Variants in RELN observed in about 807,000 individuals in gnomAD.
The protein encoded by RELN is reelin.
In RELN, 108 loss-of-function variants were observed where a neutral mutation model predicts 427.6. The ratio of observed to expected loss-of-function variants is 0.25; its 90% CI spans 0.22 to 0.30. The LOEUF (loss-of-function observed/expected upper bound fraction) is 0.30, where lower values mean the gene tolerates loss of function less well. Among genes scored for constraint, RELN ranks in the 10% least tolerant of loss-of-function variants. The probability of loss-of-function intolerance (pLI) is 1.00; values close to 1 mark genes in which losing one functional copy is unlikely to be tolerated. For missense variants in RELN, 3,715 were observed against 4,302.8 expected (o/e 0.86, Z 3.82); for synonymous variants, 1,524 against 1,513.4 (o/e 1.01, Z -0.16).
At chr7:103,473,097 A>G (rs1827913324) in intron 64 of RELN, 189 bp from the exon 65 acceptor site, 1 of 701,734 alleles carries the variant, frequency 1.4e-6, no homozygotes, top group South Asian at 1.5e-5. Flanking sequence ...ACCTATACTC[A>G]CTGCCTTTGG....
chr7:103,957,447 A>G (rs1423244448), intron 1 of RELN, among the ~76,000 whole-genome samples: 6 of 152,196 alleles, frequency 3.9e-5, no homozygotes, highest in Non-Finnish European at 8.8e-5. Context: ...ACACTTCATA[A>G]AACACTGCCA....
intron 10 of RELN, among the ~76,000 whole-genome samples, chr7:103,695,684 C>G (rs1024144028): frequency 2.0e-5 from 3 of 152,050 alleles, no homozygotes; most frequent in African/African-American, 7.2e-5. Context: ...GATAAATGAC[C>G]ATCATCACAA....
intron 1 of RELN, among the ~76,000 whole-genome samples, chr7:103,933,076 A>G (rs976902164): frequency 2.6e-5 from 4 of 152,152 alleles, no homozygotes; most frequent in East Asian, 1.9e-4. Flanking sequence ...CAGTCCCACC[A>G]TGGTGCATTC....
At chr7:103,717,441 C>A (rs1584431902) in intron 8 of RELN, among the ~76,000 whole-genome samples, 1 of 150,606 alleles carries the variant, frequency 6.6e-6, no homozygotes, top group East Asian at 1.9e-4. Flanking sequence ...CCTTTACTTA[C>A]CAAATTTTAG....
intron 1 of RELN, among the ~76,000 whole-genome samples, chr7:103,948,837 A>C (rs1796271373): frequency 1.3e-5 from 2 of 151,738 alleles, no homozygotes; most frequent in African/African-American, 4.8e-5. Flanking sequence ...AATGTGGTGA[A>C]ATCTCATCTC....
intron 2 of RELN, among the ~76,000 whole-genome samples, chr7:103,896,759 A>G (rs1478625594): frequency 6.6e-6 from 1 of 152,036 alleles, no homozygotes; most frequent in African/African-American, 2.4e-5. Context: ...CAAACATGGT[A>G]TTTGCTGTAA....
intron 57 of RELN, 130 bp downstream of exon 57, chr7:103,495,593 T>A (rs1828816516): frequency 1.1e-6 from 1 of 892,964 alleles, no homozygotes; most frequent in African/African-American, 1.7e-5. Context: ...ATGACCTCTT[T>A]TATTCATAAG....
At chr7:103,798,175 T>C (rs1563019767) in intron 3 of RELN, among the ~76,000 whole-genome samples, 1 of 152,204 alleles carries the variant, frequency 6.6e-6, no homozygotes, top group Non-Finnish European at 1.5e-5. Flanking sequence ...TTACTGAATA[T>C]ACCTCATTGT....
intron 27 of RELN, among the ~76,000 whole-genome samples, chr7:103,592,451 AG>A (rs1475658818): frequency 6.6e-6 from 1 of 152,036 alleles, no homozygotes; most frequent in Admixed American, 6.6e-5. Flanking sequence ...ATGAGCATTT[AG>A]GTGGTCTTTG....
intron 48 of RELN, among the ~76,000 whole-genome samples, chr7:103,519,995 C>G (rs990187673): frequency 1.6e-4 from 24 of 152,256 alleles, no homozygotes; most frequent in Admixed American, 1.5e-3. Flanking sequence ...TTTGAAATTT[C>G]AGCATTCAAG....
chr7:103,713,974 A>C (rs905622670), intron 8 of RELN, among the ~76,000 whole-genome samples: 2 of 152,208 alleles, frequency 1.3e-5, no homozygotes, highest in African/African-American at 4.8e-5. Context: ...AAAATGATCT[A>C]CTGTTAAGTA....
chr7:103,963,972 C>A (rs906059081), intron 1 of RELN, among the ~76,000 whole-genome samples: 21 of 151,894 alleles, frequency 1.4e-4, no homozygotes, highest in Non-Finnish European at 2.6e-4. Flanking sequence ...GCATCCAGGG[C>A]AACACAGAGA....
chr7:103,579,631 T>C (rs971968803), intron 28 of RELN, among the ~76,000 whole-genome samples: 12 of 150,574 alleles, frequency 8.0e-5, no homozygotes, highest in Admixed American at 6.6e-5. Context: ...CGTCACAGTG[T>C]GGTTTGATTA....
At position 103,894,188 on chromosome 7, in the gene RELN, CAT is replaced by C. The variant is rs529634618; in HGVS notation, c.337+22885_337+22886del. 1.7e-3 allele frequency among the ~76,000 whole-genome samples: 260 copies of C among 152,286 alleles called. 2 individuals carry two copies. Among genetic ancestry groups the C allele is most frequent in the African/African-American group, 5.7e-3 (238 of 41,572 alleles). ...AATCTATGAAACCAGAGTTTTACCA[CAT>C]GTTCTACCACCTCCCTATCTTTTGA... On this transcript the variant is annotated intron_variant, in intron 2 of 64. Coordinates refer to ENST00000428762, the MANE Select transcript of RELN (RefSeq NM_005045.4).
rs73712207 is a variant in RELN at position 103,661,440 on chromosome 7, C to T, written c.1377G>A (p.Arg459=). ...TGTCCATGGATGGAGTGCATAATTT[C>T]CTCTCTCCATCTTTGAGGAAGACCA... is the stretch of plus-strand genomic sequence containing the variant. ...LSMVFLKDGE[R]KLCTPSMDTT... is the part of the protein sequence containing the mutation. The change falls in exon 12 of 65, where the codon AGG becomes AGA. Residue 459 remains arginine (R), a synonymous_variant. Coordinates refer to ENST00000428762, the MANE Select transcript of RELN (RefSeq NM_005045.4). 3.8e-4 allele frequency: 618 copies of T among 1,613,462 alleles called. 3 individuals are homozygous for T. In the African/African-American group the frequency reaches 6.8e-3, roughly 18 times the overall value.
chr7:103,753,658 GT>G (rs777335243), intron 4 of RELN, among the ~76,000 whole-genome samples: 12 of 152,162 alleles, frequency 7.9e-5, no homozygotes, highest in Non-Finnish European at 1.8e-4. Flanking sequence ...GAAAATTTAT[GT>G]TGAAATTGAA....
intron 37 of RELN, among the ~76,000 whole-genome samples, 172 bp downstream of exon 37, chr7:103,557,788 CTTATA>C (rs1285658828): frequency 6.6e-6 from 1 of 152,028 alleles, no homozygotes; most frequent in East Asian, 1.9e-4. Context: ...TTTTCTTGCC[CTTATA>C]TTAAGATAAA....
chr7:103,838,569 T>C (rs1375044839), intron 2 of RELN, among the ~76,000 whole-genome samples: 1 of 152,030 alleles, frequency 6.6e-6, no homozygotes, highest in Non-Finnish European at 1.5e-5. Context: ...GGAGACTCAA[T>C]AGCGTGACTC....
chr7:103,544,220 CTTTTTTTTTTTTTTTTTTTTT>C (rs71154356), intron 42 of RELN, among the ~76,000 whole-genome samples: 10 of 71,198 alleles, frequency 1.4e-4, no homozygotes, highest in Admixed American at 4.2e-4. Flanking sequence ...GAAAGAAAAT[CTTTTTTTTTTTTTTTTTTTTT>C]TTTTTTTTTT....
Sources: gnomAD v4.1 joint callset for allele counts (sites outside exome capture counted in the v4.1 genomes callset) on GRCh38, gnomAD v4.1.1 for gene constraint, MANE v1.5 for transcripts, NCBI Gene and HGNC (gene_info 2026-07-23, HGNC 2026-07-21) for gene names.